ARAP2: variants seen among roughly 807,000 people sequenced by gnomAD.
The protein encoded by ARAP2 is arf-GAP with Rho-GAP domain, ANK repeat and PH domain-containing protein 2.
A neutral mutation model predicts 194.5 loss-of-function variants in ARAP2; 148 were observed. The ratio of observed to expected loss-of-function variants is 0.76; its 90% confidence interval spans 0.67 to 0.87. ARAP2 has a LOEUF of 0.87. Among genes scored for constraint, ARAP2 ranks in the 40% least tolerant of loss-of-function variants. The pLI is 0.00. For synonymous variants in ARAP2, 695 were observed against 683.5 expected, an observed-to-expected ratio of 1.02 and a Z score of -0.26; for missense variants, 2,128 against 1,989.7, an observed-to-expected ratio of 1.07 and a Z score of -1.32.
intron 24 of ARAP2, 150 bp downstream of exon 24, chr4:36,119,500 G>T: frequency 2.1e-6 from 1 of 482,048 alleles, no homozygotes; most frequent in Non-Finnish European, 3.7e-6. Flanking sequence ...TCAGGTTGCT[G>T]AATTACACAA....
Position 36,091,958 on chromosome 4 carries a change from T to A in ARAP2, c.4348A>T (p.Ile1450Leu). The part of the protein sequence containing the change: ...ILKIKEEPSK[I>L]LSGNKFQDRY... ...TCTTGAAACTTATTTCCAGATAGTATTTTGGATGGTTCTTCTTTGATTTTC... is the reference window on the plus strand; with the variant it reads ...TCTTGAAACTTATTTCCAGATAGTAATTTGGATGGTTCTTCTTTGATTTTC... The change falls in exon 28 of 33, where the codon ATA (isoleucine) becomes TTA (leucine). Residue 1450 changes from isoleucine (I) to leucine (L), a missense_variant. By Grantham distance (5) the Ile-to-Leu change is conservative. Transcript: ENST00000303965. 1 of 1,608,568 alleles carries A rather than the reference T, an allele frequency of 6.2e-7. No individual in the cohort carries two copies. The highest frequency in any genetic ancestry group is 2.2e-5 in the East Asian group (1 of 44,762).
At chr4:36,180,106 A>G (rs534583526) in intron 8 of ARAP2, among the ~76,000 whole-genome samples, 12 of 152,008 alleles carry the variant, frequency 7.9e-5, no homozygotes, top group Non-Finnish European at 1.8e-4. Flanking sequence ...CACCCGGTCT[A>G]TACTAAAACT....
In ARAP2 at chr4:36,073,794, T is replaced by C. The variant is rs1478620206; in HGVS notation, c.4638A>G (p.Gly1546=). 5 of 1,613,100 alleles carry C rather than the reference T, an allele frequency of 3.1e-6. No homozygotes were observed. In the African/African-American group the frequency reaches 5.3e-5, roughly 17 times the overall value. ...TGGTTATTGAACGTTTTCGTTCCTTTCCAGCTGGTGGCCATATATCATATT... is the reference window on the plus strand; with the variant it reads ...TGGTTATTGAACGTTTTCGTTCCTTCCCAGCTGGTGGCCATATATCATATT... ...QHEYDIWPPA[G]KERKRSITKN... is the part of the protein sequence containing the mutation. Residue 1546 remains glycine (G), a synonymous_variant, in exon 32 of 33, where the codon GGA becomes GGG. Transcript: ENST00000303965.
chr4:36,083,988 C>T (rs575816370), intron 28 of ARAP2, among the ~76,000 whole-genome samples: 26 of 152,098 alleles, frequency 1.7e-4, no homozygotes, highest in Non-Finnish European at 8.8e-5. Flanking sequence ...ATGCTTCCTG[C>T]CCTTGAACAT....
intron 2 of ARAP2, chr4:36,052,136 A>G (rs1267506822): frequency 6.6e-6 from 1 of 152,228 alleles, no homozygotes; most frequent in Non-Finnish European, 1.5e-5. Flanking sequence ...GAGTCATTAA[A>G]CTTGTAAATA....
At chr4:36,160,267 T>C in intron 13 of ARAP2, 192 bp downstream of exon 13, 1 of 1,187,596 alleles carries the variant, frequency 8.4e-7, no homozygotes, top group Non-Finnish European at 1.0e-6. Context: ...GGAGGAAGAA[T>C]TTATGCTCTT....
At chr4:36,133,427 C>G in intron 19 of ARAP2, 38 bp from the exon 20 acceptor site, 1 of 1,566,484 alleles carries the variant, frequency 6.4e-7, no homozygotes, top group Non-Finnish European at 8.7e-7. Flanking sequence ...TATAATTTTG[C>G]TCTTTAAAAA....
At chr4:36,163,649 T>C (rs576828843) in intron 11 of ARAP2, among the ~76,000 whole-genome samples, 128 of 152,228 alleles carry the variant, frequency 8.4e-4, no homozygotes, top group Middle Eastern at 3.4e-3. Context: ...ATGGTGGTAA[T>C]GAGACAAACT....
chr4:36,231,650 G>T (rs1178731636), intron 1 of ARAP2, among the ~76,000 whole-genome samples: 1 of 152,064 alleles, frequency 6.6e-6, no homozygotes, highest in Non-Finnish European at 1.5e-5. Flanking sequence ...GCTTACCCCT[G>T]TTCATAAAAA....
At chr4:36,207,352 G>A (rs563470255) in intron 6 of ARAP2, among the ~76,000 whole-genome samples, 1 of 152,262 alleles carries the variant, frequency 6.6e-6, no homozygotes, top group South Asian at 2.1e-4. Flanking sequence ...TTGAAATACA[G>A]CCCCCCAAAT....
intron 8 of ARAP2, among the ~76,000 whole-genome samples, chr4:36,179,470 G>C (rs1159437271): frequency 2.6e-5 from 4 of 152,170 alleles, no homozygotes; most frequent in Non-Finnish European, 4.4e-5. Context: ...AGCACTATGT[G>C]AACAACAGTA....
At chr4:36,035,673 T>C (rs1221305545) in intron 5 of ARAP2, among the ~76,000 whole-genome samples, 2 of 152,136 alleles carry the variant, frequency 1.3e-5, no homozygotes, top group Non-Finnish European at 2.9e-5. Context: ...GAATCCAACT[T>C]ATCAATTTGT....
chr4:36,193,697 G>C (rs755042857), intron 6 of ARAP2, 50 bp from the exon 7 acceptor site: 1 of 1,351,676 alleles, frequency 7.4e-7, no homozygotes, highest in East Asian at 2.3e-5. Flanking sequence ...CATGAACTTA[G>C]ATTGTTAAAT....
At chr4:36,110,610 T>A (rs1467772527) in intron 26 of ARAP2, among the ~76,000 whole-genome samples, 1 of 151,906 alleles carries the variant, frequency 6.6e-6, no homozygotes, top group East Asian at 1.9e-4. Flanking sequence ...TGGAAGAGAA[T>A]CTAACTCAGC....
intron 32 of ARAP2, among the ~76,000 whole-genome samples, chr4:36,068,704 G>A (rs1726104219): frequency 6.6e-6 from 1 of 152,200 alleles, no homozygotes; most frequent in Non-Finnish European, 1.5e-5. Context: ...TGTGTTGCCA[G>A]ATGATTCTGC....
chr4:36,224,723 T>C (rs1749907100), intron 2 of ARAP2, among the ~76,000 whole-genome samples: 1 of 152,308 alleles, frequency 6.6e-6, no homozygotes, highest in South Asian at 2.1e-4. Context: ...TAATTATTTA[T>C]GTATTCAATT....
At chr4:36,165,136 G>C (rs758515050) in intron 10 of ARAP2, 23 bp from the exon 11 acceptor site, 4 of 1,612,238 alleles carry the variant, frequency 2.5e-6, no homozygotes, top group Non-Finnish European at 3.4e-6. Flanking sequence ...ACGTTTCTGT[G>C]TTATCGATCT....
At chr4:36,028,614 T>C (rs1383843822) in intron 5 of ARAP2, among the ~76,000 whole-genome samples, 56 of 90,216 alleles carry the variant, frequency 6.2e-4, no homozygotes. Flanking sequence ...TTCTGTTTTT[T>C]TTCCTGAAAA....
chr4:36,145,154 T>C (rs1197923614), intron 19 of ARAP2, among the ~76,000 whole-genome samples: 1 of 151,888 alleles, frequency 6.6e-6, no homozygotes, highest in East Asian at 1.9e-4. Flanking sequence ...AACTACCATT[T>C]GATCCAGCAA....
Sources: allele counts gnomAD v4.1 joint callset (sites outside exome capture counted in the v4.1 genomes callset), GRCh38; gene constraint gnomAD v4.1.1; transcripts MANE v1.5; gene names NCBI Gene and HGNC (gene_info 2026-07-23, HGNC 2026-07-21).